Variants in QTMAN observed in about 807,000 individuals in gnomAD.
The protein encoded by QTMAN is tRNA-queuosine alpha-mannosyltransferase.
chr2:144,276,777 G>C, the QTMAN span, among the ~76,000 whole-genome samples: 4 of 152,066 alleles, frequency 2.6e-5, no homozygotes, highest in Admixed American at 6.6e-5. Context: ...GTCTACACTC[G>C]CATGGCCTAA....
At chr2:143,952,798 A>C in the QTMAN span, 1 of 1,608,892 alleles carries the variant, frequency 6.2e-7, no homozygotes, top group Non-Finnish European at 8.5e-7. Flanking sequence ...GATAAACCAA[A>C]TCTTTAGGAC....
the QTMAN span, among the ~76,000 whole-genome samples, chr2:144,293,796 A>C: frequency 6.6e-6 from 1 of 152,240 alleles, no homozygotes; most frequent in African/African-American, 2.4e-5. Flanking sequence ...TTCTATGTAC[A>C]ATAATAAAGA....
At chr2:144,311,730 C>T in the QTMAN span, among the ~76,000 whole-genome samples, 2 of 152,132 alleles carry the variant, frequency 1.3e-5, no homozygotes, top group Non-Finnish European at 2.9e-5. Context: ...TCCTCTGAAC[C>T]CCAGTGGTAT....
the QTMAN span, among the ~76,000 whole-genome samples, chr2:144,271,651 TA>T: frequency 6.6e-6 from 1 of 152,278 alleles, no homozygotes; most frequent in African/African-American, 2.4e-5. Context: ...GGAAGAAGTT[TA>T]AAAAACATTT....
At chr2:144,092,343 T>G in the QTMAN span, among the ~76,000 whole-genome samples, 1 of 151,934 alleles carries the variant, frequency 6.6e-6, no homozygotes, top group Non-Finnish European at 1.5e-5. Context: ...GCCTGGCTAA[T>G]TTTTTGTACT....
At chr2:144,311,128 G>A in the QTMAN span, among the ~76,000 whole-genome samples, 2 of 152,128 alleles carry the variant, frequency 1.3e-5, no homozygotes, top group African/African-American at 4.8e-5. Context: ...GATAGATAAG[G>A]TGTGTATTTA....
the QTMAN span, among the ~76,000 whole-genome samples, chr2:144,281,619 G>A: frequency 6.6e-6 from 1 of 152,096 alleles, no homozygotes; most frequent in Non-Finnish European, 1.5e-5. Flanking sequence ...CTTTAAAGAG[G>A]TGATTAAGTC....
chr2:143,938,463 A>T, the QTMAN span: 3 of 152,010 alleles, frequency 2.0e-5, no homozygotes, highest in East Asian at 5.8e-4. Flanking sequence ...CACGCAGTGC[A>T]CTCTTCTCTA....
chr2:143,946,288 CTG>C, the QTMAN span: 1 of 152,150 alleles, frequency 6.6e-6, no homozygotes, highest in South Asian at 2.1e-4. Flanking sequence ...GTTGGCTTCA[CTG>C]TGTTTGTCAT....
the QTMAN span, among the ~76,000 whole-genome samples, chr2:144,298,944 G>T: frequency 3.9e-5 from 6 of 152,034 alleles, no homozygotes; most frequent in Non-Finnish European, 1.5e-5. Context: ...TCTAACCCCT[G>T]GTGGTACACA....
At chr2:144,083,127 A>T in the QTMAN span, among the ~76,000 whole-genome samples, 1 of 152,222 alleles carries the variant, frequency 6.6e-6, no homozygotes, top group Non-Finnish European at 1.5e-5. Context: ...ACTAAATGAC[A>T]AGAATGGCAA....
the QTMAN span, among the ~76,000 whole-genome samples, chr2:143,987,744 TA>T: frequency 6.6e-6 from 1 of 152,240 alleles, no homozygotes; most frequent in Admixed American, 6.5e-5. Flanking sequence ...GTAGGGTTAT[TA>T]AACAGAAATG....
At chr2:144,222,977 G>A in the QTMAN span, among the ~76,000 whole-genome samples, 2 of 152,062 alleles carry the variant, frequency 1.3e-5, no homozygotes, top group Non-Finnish European at 2.9e-5. Context: ...TTATATACAC[G>A]TAATATGTGA....
chr2:144,313,041 C>T, the QTMAN span, among the ~76,000 whole-genome samples: 1 of 152,178 alleles, frequency 6.6e-6, no homozygotes, highest in Non-Finnish European at 1.5e-5. Flanking sequence ...CACAAGGAAA[C>T]AAGATTCTGC....
At chr2:144,031,639 A>G in the QTMAN span, among the ~76,000 whole-genome samples, 1 of 152,260 alleles carries the variant, frequency 6.6e-6, no homozygotes, top group Admixed American at 6.5e-5. Flanking sequence ...GGAAGCCAGC[A>G]GTGATGAAAA....
the QTMAN span, among the ~76,000 whole-genome samples, chr2:144,166,046 C>CTTAAG: frequency 0.15 from 22,556 of 151,774 alleles, 4,282 homozygotes; most frequent in African/African-American, 0.45. Flanking sequence ...AACCAAGTCC[C>CTTAAG]TTAAGTATGT....
At chr2:143,943,915 A>G in the QTMAN span, 1 of 152,214 alleles carries the variant, frequency 6.6e-6, no homozygotes, top group Admixed American at 6.5e-5. Flanking sequence ...AGAAGCATAG[A>G]TTAAGTTTAG....
chr2:144,166,475 T>C, the QTMAN span, among the ~76,000 whole-genome samples: 1 of 152,238 alleles, frequency 6.6e-6, no homozygotes, highest in East Asian at 1.9e-4. Flanking sequence ...ATTATCTTAC[T>C]CACTCATCTT....
At chr2:144,225,415 A>T in the QTMAN span, among the ~76,000 whole-genome samples, 10 of 152,180 alleles carry the variant, frequency 6.6e-5, no homozygotes, top group Admixed American at 6.5e-4. Context: ...AGATATCTTG[A>T]TGTCACTTTT....
Sources: allele counts gnomAD v4.1 joint callset (sites outside exome capture counted in the v4.1 genomes callset), GRCh38; gene constraint gnomAD v4.1.1; transcripts MANE v1.5; gene names NCBI Gene and HGNC (gene_info 2026-07-23, HGNC 2026-07-21).